The following WDPCP variants were observed in gnomAD, a reference collection of about 807,000 sequenced individuals.
The protein encoded by WDPCP is WD repeat-containing and planar cell polarity effector protein fritz homolog.
WDPCP carries 71 observed loss-of-function variants against 93.1 expected under a neutral mutation model. The ratio of observed to expected loss-of-function variants is 0.76; its 90% CI spans 0.63 to 0.93. The LOEUF (loss-of-function observed/expected upper bound fraction) is 0.93. Ranked by LOEUF, WDPCP falls within the 40% of genes least tolerant of loss-of-function variation. The pLI, the probability that WDPCP is intolerant of heterozygous loss-of-function variation, is 0.00. For missense variants in WDPCP, 844 were observed against 887.4 expected, an observed-to-expected ratio of 0.95 and a Z score of 0.62; for synonymous variants, 315 against 315.0, an observed-to-expected ratio of 1.00 and a Z score of 0.00.
At chr2:63,664,064 C>A (rs2106635008) in intron 2 of WDPCP, among the ~76,000 whole-genome samples, 1 of 152,208 alleles carries the variant, frequency 6.6e-6, no homozygotes, top group Non-Finnish European at 1.5e-5. Context: ...TGGTTAGGCA[C>A]ATGTTTGTCT....
chr2:63,297,899 A>G (rs973779430), intron 13 of WDPCP, among the ~76,000 whole-genome samples: 1 of 152,196 alleles, frequency 6.6e-6, no homozygotes, highest in Admixed American at 6.5e-5. Context: ...TGGTCTCTAC[A>G]GTAAGAAGAA....
chr2:63,243,039 A>G (rs1679983493), intron 14 of WDPCP, among the ~76,000 whole-genome samples: 1 of 152,184 alleles, frequency 6.6e-6, no homozygotes, highest in Non-Finnish European at 1.5e-5. Context: ...CTCTTGCTGA[A>G]GTTACTGGGT....
At chr2:63,657,291 G>A (rs896525212) in intron 2 of WDPCP, among the ~76,000 whole-genome samples, 1 of 139,914 alleles carries the variant, frequency 7.1e-6, no homozygotes, top group East Asian at 2.2e-4. Context: ...TGCAAGCTCC[G>A]CCTCCTGGGT....
chr2:63,759,191 C>T (rs1481749320), intron 2 of WDPCP, among the ~76,000 whole-genome samples: 1 of 152,132 alleles, frequency 6.6e-6, no homozygotes, highest in Non-Finnish European at 1.5e-5. Flanking sequence ...CTTTAGGACC[C>T]CTCACTTGCA....
At chr2:63,207,283 C>T (rs755246521) in intron 14 of WDPCP, among the ~76,000 whole-genome samples, 4 of 152,066 alleles carry the variant, frequency 2.6e-5, no homozygotes, top group Non-Finnish European at 5.9e-5. Flanking sequence ...AAACTCATGA[C>T]AGTGAGTTCT....
chr2:63,398,430 G>T (rs1271028946), intron 10 of WDPCP, among the ~76,000 whole-genome samples: 17 of 152,064 alleles, frequency 1.1e-4, no homozygotes, highest in Admixed American at 1.1e-3. Flanking sequence ...TCCATGTAAT[G>T]ACACTTCTAA....
intron 13 of WDPCP, among the ~76,000 whole-genome samples, chr2:63,304,818 C>G (rs765270154): frequency 4.6e-5 from 7 of 152,154 alleles, no homozygotes; most frequent in Non-Finnish European, 7.3e-5. Context: ...GATCCCACCC[C>G]CATGGAGCCC....
intron 2 of WDPCP, among the ~76,000 whole-genome samples, chr2:63,680,371 C>T (rs1710477738): frequency 6.6e-6 from 1 of 152,216 alleles, no homozygotes; most frequent in South Asian, 2.1e-4. Flanking sequence ...CATGGAGAAT[C>T]TGTGTGCTTA....
intron 1 of WDPCP, among the ~76,000 whole-genome samples, chr2:63,555,395 C>A (rs1432333339): frequency 1.3e-4 from 8 of 62,598 alleles, no homozygotes. Context: ...CGTAGATCAG[C>A]GGACTTAGTT....
At chr2:63,233,356 C>A in intron 14 of WDPCP, 1 of 270,088 alleles carries the variant, frequency 3.7e-6, no homozygotes, top group Non-Finnish European at 7.2e-6. Context: ...AAAATATCAG[C>A]AAAAGATGGA....
intron 2 of WDPCP, among the ~76,000 whole-genome samples, chr2:63,730,928 T>A: frequency 6.7e-6 from 1 of 148,896 alleles, no homozygotes; most frequent in African/African-American, 2.5e-5. Flanking sequence ...GGGAGAAAGG[T>A]AAAATAGCCA....
chr2:63,671,862 C>A (rs1235129499), intron 2 of WDPCP, among the ~76,000 whole-genome samples: 3 of 152,178 alleles, frequency 2.0e-5, no homozygotes, highest in African/African-American at 7.2e-5. Flanking sequence ...TACTAACAGA[C>A]CCTTACCATG....
intron 2 of WDPCP, among the ~76,000 whole-genome samples, chr2:63,719,161 C>A (rs117574965): frequency 6.6e-6 from 1 of 152,128 alleles, no homozygotes; most frequent in Admixed American, 6.5e-5. Context: ...AAAGAACTAG[C>A]AAGAGTGGCA....
intron 1 of WDPCP, among the ~76,000 whole-genome samples, chr2:63,540,501 C>T (rs1704624076): frequency 6.6e-6 from 1 of 152,070 alleles, no homozygotes; most frequent in Non-Finnish European, 1.5e-5. Flanking sequence ...CTAAGGAATG[C>T]ACTCAGTGTT....
rs117658651 is a variant in WDPCP at position 63,578,786 on chromosome 2, G to C, written c.75+9411C>G. Among the ~76,000 whole-genome samples, 103 of 152,318 alleles carry C rather than the reference G, an allele frequency of 6.8e-4. 1 individual carries two copies. The East Asian group carries it at 0.019, about 28-fold the overall frequency. On this transcript the variant is annotated intron_variant, in intron 1 of 17. Transcript: ENST00000272321. Reference sequence around the variant, plus strand: ...TAAGATCTGTGGACTGCCGAAGCTAGGACAGGTAACACAGAACCCATAACA... The same window carrying C: ...TAAGATCTGTGGACTGCCGAAGCTACGACAGGTAACACAGAACCCATAACA...
At chr2:63,623,411 G>C (rs1428497789) in intron 3 of WDPCP, among the ~76,000 whole-genome samples, 4 of 151,986 alleles carry the variant, frequency 2.6e-5, no homozygotes, top group African/African-American at 9.7e-5. Flanking sequence ...GTCAAGACCT[G>C]TCAGTGTGCT....
chr2:63,257,200 A>G (rs547252573), intron 14 of WDPCP, among the ~76,000 whole-genome samples: 1 of 152,180 alleles, frequency 6.6e-6, no homozygotes, highest in African/African-American at 2.4e-5. Context: ...TTTCCCATGT[A>G]AATGGAACTA....
chr2:63,257,707 C>T (rs572743432), intron 14 of WDPCP, among the ~76,000 whole-genome samples: 1 of 152,264 alleles, frequency 6.6e-6, no homozygotes, highest in South Asian at 2.1e-4. Flanking sequence ...CCACAGTAAC[C>T]TCATCAGAGA....
intron 6 of WDPCP, among the ~76,000 whole-genome samples, chr2:63,448,853 T>A (rs1379609834): frequency 1.3e-5 from 2 of 152,168 alleles, no homozygotes; most frequent in Admixed American, 1.3e-4. Flanking sequence ...GTTACCATGC[T>A]AGGGGTAGGG....
Sources: gnomAD v4.1 joint callset for allele counts (sites outside exome capture counted in the v4.1 genomes callset) on GRCh38, gnomAD v4.1.1 for gene constraint, MANE v1.5 for transcripts, NCBI Gene and HGNC (gene_info 2026-07-23, HGNC 2026-07-21) for gene names.